The following PUM3 variants were observed in gnomAD, a reference collection of about 807,000 sequenced individuals.
PUM3 encodes pumilio RNA binding family member 3.
In PUM3, 91 loss-of-function variants were observed where a neutral mutation model predicts 84.0. The ratio of observed to expected loss-of-function variants is 1.08; its 90% CI spans 0.91 to 1.29. The LOEUF (loss-of-function observed/expected upper bound fraction) is 1.29. Ranked by LOEUF, PUM3 falls within the 50% of genes most tolerant of loss-of-function variation. The pLI is 0.00. For synonymous variants in PUM3, 321 were observed against 266.7 expected, an observed-to-expected ratio of 1.20 and a Z score of -1.98; for missense variants, 1,067 against 767.5, an observed-to-expected ratio of 1.39 and a Z score of -4.61.
At chr9:2,837,883 G>A (rs996251855) in intron 2 of PUM3, among the ~76,000 whole-genome samples, 15 of 152,022 alleles carry the variant, frequency 9.9e-5, no homozygotes, top group African/African-American at 3.6e-4. Flanking sequence ...CTAGTTTTAA[G>A]AAAATTTTAA....
At chr9:2,819,591 C>T (rs977802032) in intron 13 of PUM3, among the ~76,000 whole-genome samples, 2 of 152,188 alleles carry the variant, frequency 1.3e-5, no homozygotes, top group Admixed American at 1.3e-4. Flanking sequence ...GTAATTATTT[C>T]TCCACAGGGA....
chr9:2,822,399 C>T (rs1214517686), intron 12 of PUM3, among the ~76,000 whole-genome samples: 3 of 151,740 alleles, frequency 2.0e-5, no homozygotes, highest in Admixed American at 6.6e-5. Context: ...TCCAGAAACC[C>T]CCAATATTTG....
chr9:2,828,714 A>G lies in PUM3; in HGVS notation c.917T>C (p.Met306Thr). The G allele has an allele frequency of 6.2e-7, 1 of 1,609,042 alleles. No homozygotes were observed. Among genetic ancestry groups the G allele is most frequent in the Non-Finnish European group, 8.5e-7 (1 of 1,175,496 alleles). The change falls in exon 9 of 18, where the codon ATG (methionine) becomes ACG (threonine). Residue 306 changes from methionine (M) to threonine (T), a missense_variant. Physicochemically the swap from Met to Thr is moderately conservative, Grantham distance 81 (BLOSUM62 -1). Transcript: ENST00000397885. ...AGTTAGAATCTGTTTCATTTCATCC[A>G]TAATAAGTTCTAATTTTTCTGGCTG... The part of the protein sequence containing the change: ...EVQPEKLELI[M>T]DEMKQILTPM...
chr9:2,835,436 A>G lies in PUM3; in HGVS notation c.305-1270T>C, dbSNP rs1404025926. Among the ~76,000 whole-genome samples, 3 of 152,126 alleles carry G rather than the reference A, an allele frequency of 2.0e-5. No homozygotes were observed. The East Asian group carries it at 5.8e-4, about 29-fold the overall frequency. ...CCCTCAAAAAAGAAAAAAATTCAGA[A>G]TCTGCCTTCACTCAATATGATTAGA... On this transcript the variant is annotated intron_variant, in intron 3 of 17. Coordinates refer to ENST00000397885, the MANE Select transcript of PUM3 (RefSeq NM_014878.5).
intron 9 of PUM3, among the ~76,000 whole-genome samples, chr9:2,827,501 T>C (rs1815855989): frequency 1.3e-5 from 2 of 152,248 alleles, no homozygotes; most frequent in South Asian, 4.1e-4. Flanking sequence ...CATGTGGATG[T>C]ATTTTTTTAA....
chr9:2,824,878 CTGT>C, intron 10 of PUM3, 63 bp from the exon 11 acceptor site: 1 of 1,212,892 alleles, frequency 8.2e-7, no homozygotes, highest in Non-Finnish European at 1.1e-6. Flanking sequence ...ACTGTTTTAT[CTGT>C]CTGTCTACAG....
chr9:2,823,384 A>G (rs966156586), intron 12 of PUM3, among the ~76,000 whole-genome samples: 2 of 152,106 alleles, frequency 1.3e-5, no homozygotes, highest in African/African-American at 4.8e-5. Context: ...CATAAGGAAA[A>G]CTACTATCAA....
chr9:2,805,964 C>A (rs1024004696), intron 17 of PUM3, among the ~76,000 whole-genome samples: 3 of 152,180 alleles, frequency 2.0e-5, no homozygotes, highest in African/African-American at 7.2e-5. Context: ...ATTTTCTTTT[C>A]ACCCAAAATT....
chr9:2,815,203 C>T (rs1033163922), intron 13 of PUM3, among the ~76,000 whole-genome samples: 2 of 152,106 alleles, frequency 1.3e-5, no homozygotes, highest in African/African-American at 4.8e-5. Context: ...AACTAAAAAA[C>T]ATTTCTTCAA....
chr9:2,834,156 G>C lies in PUM3; in HGVS notation c.315C>G (p.Ala105=). 4 of 1,611,210 alleles carry C rather than the reference G, an allele frequency of 2.5e-6. No homozygotes were observed. The African/African-American group carries it at 4.0e-5, about 16-fold the overall frequency. The change falls in exon 4 of 18, where the codon GCC becomes GCG. Residue 105 remains alanine, a synonymous_variant. Coordinates refer to ENST00000397885, the MANE Select transcript of PUM3 (RefSeq NM_014878.5). The part of the protein sequence containing the change: ...QPDGRSDESA[A]KKPKWDDFKK... ...TGAAGTCATCCCATTTGGGCTTCTT[G>C]GCTGCTGATTCTAGTTATTATAGAA...
chr9:2,833,486 C>A, intron 4 of PUM3, 54 bp from the exon 5 acceptor site: 4 of 1,015,692 alleles, frequency 3.9e-6, no homozygotes, highest in Non-Finnish European at 4.5e-6. Flanking sequence ...TTATTTTAAA[C>A]ACACAAAATT....
At position 2,840,307 on chromosome 9, in the gene PUM3, G is replaced by A. The variant is rs973568092; in HGVS notation, c.-10-1790C>T. Among the ~76,000 whole-genome samples the A allele has an allele frequency of 3.3e-5, 5 of 152,182 alleles. No individual in the cohort carries two copies. The South Asian group carries it at 6.2e-4, about 19-fold the overall frequency. ...AACCACCAAGTCCAGCCCAAAGTCA[G>A]AGGAAAATTAAGCTCCACTTCCCAG... is the stretch of plus-strand genomic sequence containing the variant. On this transcript the variant is annotated intron_variant, in intron 1 of 17. Coordinates refer to ENST00000397885, the MANE Select transcript of PUM3 (RefSeq NM_014878.5).
At chr9:2,830,598 T>C (rs563215217) in intron 7 of PUM3, among the ~76,000 whole-genome samples, 5 of 152,212 alleles carry the variant, frequency 3.3e-5, no homozygotes, top group African/African-American at 1.2e-4. Context: ...AAATTATTTT[T>C]ACTATGCTAC....
chr9:2,831,906 T>C (rs1269607688), intron 5 of PUM3, among the ~76,000 whole-genome samples: 1 of 152,204 alleles, frequency 6.6e-6, no homozygotes, highest in African/African-American at 2.4e-5. Flanking sequence ...ATATATCCAG[T>C]TATATTTCTA....
intron 5 of PUM3, 68 bp downstream of exon 5, chr9:2,833,289 T>C: frequency 1.3e-6 from 1 of 759,630 alleles, no homozygotes; most frequent in Non-Finnish European, 2.2e-6. Context: ...TCATGAATGG[T>C]CAGCTACTCC....
intron 1 of PUM3, among the ~76,000 whole-genome samples, chr9:2,843,681 C>T (rs1185841206): frequency 3.3e-5 from 5 of 151,326 alleles, no homozygotes; most frequent in Admixed American, 6.6e-5. Flanking sequence ...CGGGTTCACG[C>T]CATTCTCCTG....
intron 13 of PUM3, among the ~76,000 whole-genome samples, chr9:2,814,462 C>G (rs1015869577): frequency 6.6e-6 from 1 of 152,172 alleles, no homozygotes; most frequent in African/African-American, 2.4e-5. Flanking sequence ...CCACCCACCT[C>G]AGCCTCCCAA....
At position 2,810,854 on chromosome 9, in the gene PUM3, G is replaced by T. The variant is rs541742727; in HGVS notation, c.1636-423C>A. ...GTTTAAGTACACATGACCACCGAAG[G>T]GGATTATCTGATGAGCGAATCAAGA... On this transcript the variant is annotated intron_variant, in intron 15 of 17. Coordinates refer to ENST00000397885, the MANE Select transcript of PUM3 (RefSeq NM_014878.5). Among the ~76,000 whole-genome samples, 18 of 152,236 alleles carry T rather than the reference G, an allele frequency of 1.2e-4. No individual in the cohort carries two copies. The South Asian group carries it at 3.5e-3, about 30-fold the overall frequency.
Position 2,837,213 on chromosome 9 carries a change from T to C in PUM3, c.271A>G (p.Lys91Glu). The C allele has an allele frequency of 1.2e-6, 2 of 1,614,138 alleles. No individual in the cohort carries two copies. The highest frequency in any genetic ancestry group is 1.7e-6 in the Non-Finnish European group (2 of 1,179,982). Reference protein sequence around the residue: ...KFQPANKFNKKRKFQPDGRSD... With the variant: ...KFQPANKFNKERKFQPDGRSD... Reference sequence around the variant, plus strand: ...CTACCATCTGGCTGGAATTTTCTCTTCTTGTTGAATTTATTTGCCGGCTGG... The same window carrying C: ...CTACCATCTGGCTGGAATTTTCTCTCCTTGTTGAATTTATTTGCCGGCTGG... The change falls in exon 3 of 18, where the codon AAG becomes GAG. Residue 91 changes from lysine (K) to glutamate (E), a missense_variant. By Grantham distance (56) the Lys-to-Glu change is moderately conservative. Transcript: ENST00000397885.
Sources: allele counts gnomAD v4.1 joint callset (sites outside exome capture counted in the v4.1 genomes callset), GRCh38; gene constraint gnomAD v4.1.1; transcripts MANE v1.5; gene names NCBI Gene and HGNC (gene_info 2026-07-23, HGNC 2026-07-21).